The following ZBTB45 variants were observed in gnomAD, a reference collection of about 807,000 sequenced individuals.
The protein encoded by ZBTB45 is zinc finger and BTB domain containing 45.
ZBTB45 carries 22 observed loss-of-function variants against 28.4 expected under a neutral mutation model. The observed-to-expected ratio is 0.77, with a 90% confidence interval of 0.55 to 1.10. The LOEUF (loss-of-function observed/expected upper bound fraction) is 1.10. Among genes scored for constraint, ZBTB45 ranks in the 50% least tolerant of loss-of-function variants. The pLI, the probability that ZBTB45 is intolerant of heterozygous loss-of-function variation, is 0.00. For synonymous variants in ZBTB45, 361 were observed against 332.3 expected (o/e 1.09, Z -0.94); for missense variants, 656 against 750.2 (o/e 0.87, Z 1.47).
At chr19:58,531,507 C>T (rs1447185209) in intron 1 of ZBTB45, among the ~76,000 whole-genome samples, 2 of 152,150 alleles carry the variant, frequency 1.3e-5, no homozygotes, top group Admixed American at 1.3e-4. Context: ...GCAGGGATTT[C>T]ATTATGGGTT....
chr19:58,528,179 A>C (rs2053617404), intron 1 of ZBTB45, among the ~76,000 whole-genome samples: 1 of 152,090 alleles, frequency 6.6e-6, no homozygotes, highest in African/African-American at 2.4e-5. Flanking sequence ...ACCCCTGAAG[A>C]TGGAGGGAGA....
At chr19:58,536,879 T>C (rs2053663136) in intron 1 of ZBTB45, among the ~76,000 whole-genome samples, 1 of 152,152 alleles carries the variant, frequency 6.6e-6, no homozygotes, top group Admixed American at 6.5e-5. Flanking sequence ...ACACCTGTCT[T>C]ATGCCCTGTC....
Position 58,516,854 on chromosome 19 carries a change from G to C in ZBTB45, c.820C>G (p.Arg274Gly), listed in dbSNP as rs1242029057. 6.2e-7 allele frequency: 1 copy of C among 1,613,540 alleles called. No individual in the cohort carries two copies. The highest frequency in any genetic ancestry group is 8.5e-7 in the Non-Finnish European group (1 of 1,180,020). ...DYSGAGRDFL[R>G]GAGSAEDVFP... ...ACGTCCTCAGCTGACCCAGCTCCCC[G>C]AAGAAAATCTCTCCCGGCACCACTG... Residue 274 changes from arginine (R) to glycine (G), a missense_variant, in exon 2 of 3, where the codon CGG becomes GGG. Physicochemically the swap from Arg to Gly is moderately radical, Grantham distance 125. Around this residue, in one of 3 missense-constraint regions of ZBTB45, gnomAD observed 448 missense variants for 444.3 expected, o/e 1.01. Transcript: ENST00000594051. The surrounding 1 kb of genome is among the most constrained non-coding windows in gnomAD (Gnocchi z 6.2).
intron 1 of ZBTB45, among the ~76,000 whole-genome samples, chr19:58,530,041 A>G (rs1300699758): frequency 2.6e-5 from 4 of 152,082 alleles, no homozygotes; most frequent in Non-Finnish European, 4.4e-5. Context: ...TGTCTCTACA[A>G]AAAATACAAA....
intron 1 of ZBTB45, among the ~76,000 whole-genome samples, chr19:58,525,961 C>T (rs2053604721): frequency 6.6e-6 from 1 of 152,166 alleles, no homozygotes; most frequent in African/African-American, 2.4e-5. Context: ...GGCGCGGTGG[C>T]TCACGCCTGT....
rs2053527718 is a variant in ZBTB45, at chr19:58,517,555, C to T, written c.119G>A (p.Arg40His). The stretch of plus-strand genomic sequence containing the variant: ...GCGGTGGGCACGCAGCGAAGCTTCA[C>T]GAATGCGCACAGTCACGTCACAGAA... The part of the protein sequence containing the change: ...GHFCDVTVRI[R>H]EASLRAHRCV... Residue 40 changes from arginine to histidine, a missense_variant, in exon 2 of 3, where the codon CGT becomes CAT. Arg to His is a conservative substitution (Grantham distance 29, BLOSUM62 0). This residue lies in a region of ZBTB45 where 105 missense variants were observed against 152.4 expected (regional missense o/e 0.69). Transcript: ENST00000594051. 2 of 1,613,734 alleles carry T rather than the reference C, an allele frequency of 1.2e-6. No homozygotes were observed. The highest frequency in any genetic ancestry group is 1.7e-6 in the Non-Finnish European group (2 of 1,179,974).
chr19:58,529,794 T>G (rs2053626612), intron 1 of ZBTB45, among the ~76,000 whole-genome samples: 1 of 152,148 alleles, frequency 6.6e-6, no homozygotes, highest in Non-Finnish European at 1.5e-5. Context: ...TTTACATAAA[T>G]GGAACCATAC....
intron 1 of ZBTB45, among the ~76,000 whole-genome samples, chr19:58,535,015 C>A (rs1021746867): frequency 6.6e-6 from 1 of 152,008 alleles, no homozygotes; most frequent in African/African-American, 2.4e-5. Flanking sequence ...GCTACCACAC[C>A]CAGCTAATTT....
intron 1 of ZBTB45, among the ~76,000 whole-genome samples, chr19:58,524,815 G>A (rs2053599068): frequency 6.6e-6 from 1 of 151,754 alleles, no homozygotes; most frequent in Non-Finnish European, 1.5e-5. Flanking sequence ...CCTGGGAGGT[G>A]GAGCTTGCAG....
rs2053527671 is a variant in ZBTB45 at position 58,517,551 on chromosome 19, T to G, written c.123A>C (p.Glu41Asp). The G allele has an allele frequency of 1.9e-6, 3 of 1,613,524 alleles. No individual in the cohort carries two copies. In the African/African-American group the frequency reaches 4.0e-5, roughly 22 times the overall value. ...CGCAGCGGTGGGCACGCAGCGAAGC[T>G]TCACGAATGCGCACAGTCACGTCAC... is the stretch of plus-strand genomic sequence containing the variant. ...HFCDVTVRIR[E>D]ASLRAHRCVL... is the part of the protein sequence containing the mutation. Residue 41 changes from glutamate to aspartate, a missense_variant, in exon 2 of 3, where the codon GAA becomes GAC. Glu to Asp is a conservative substitution (Grantham distance 45). Transcript: ENST00000594051.
chr19:58,536,590 C>T (rs2053661626), intron 1 of ZBTB45, among the ~76,000 whole-genome samples: 1 of 152,048 alleles, frequency 6.6e-6, no homozygotes. Context: ...TTGTAGTGAG[C>T]CAAGATTGCG....
upstream of ZBTB45, chr19:58,519,886 T>C (rs955641688): frequency 6.6e-6 from 1 of 152,202 alleles, no homozygotes; most frequent in African/African-American, 2.4e-5. Context: ...GAAGCACGTT[T>C]CCGGTATTTT....
At chr19:58,530,019 G>A (rs1031807278) in intron 1 of ZBTB45, among the ~76,000 whole-genome samples, 2 of 152,020 alleles carry the variant, frequency 1.3e-5, no homozygotes, top group Non-Finnish European at 2.9e-5. Flanking sequence ...CCTGGGCAAC[G>A]TTACAAAACC....
At chr19:58,528,777 C>T (rs548571818) in intron 1 of ZBTB45, among the ~76,000 whole-genome samples, 4 of 152,068 alleles carry the variant, frequency 2.6e-5, no homozygotes, top group South Asian at 2.1e-4. Context: ...GCCTGTAGTG[C>T]CAGCTACTCA....
intron 1 of ZBTB45, among the ~76,000 whole-genome samples, chr19:58,524,955 AAG>A (rs1387571022): frequency 6.6e-6 from 1 of 152,064 alleles, no homozygotes; most frequent in Non-Finnish European, 1.5e-5. Flanking sequence ...CCATTGAGGG[AAG>A]AGTCTGTGAG....
intron 1 of ZBTB45, among the ~76,000 whole-genome samples, chr19:58,528,637 G>A (rs2053620040): frequency 6.6e-6 from 1 of 151,270 alleles, no homozygotes; most frequent in African/African-American, 2.4e-5. Flanking sequence ...GCTCACGCCT[G>A]TAATCCCAGC....
chr19:58,518,700 T>C (rs1433247211), intron 1 of ZBTB45, among the ~76,000 whole-genome samples: 1 of 152,124 alleles, frequency 6.6e-6, no homozygotes, highest in Non-Finnish European at 1.5e-5. Context: ...TCCTTCGGCC[T>C]GTTTCCCCTT....
upstream of ZBTB45, among the ~76,000 whole-genome samples, chr19:58,523,435 C>A (rs1438621227): frequency 6.6e-6 from 1 of 151,642 alleles, no homozygotes; most frequent in Non-Finnish European, 1.5e-5. Context: ...AATCCCAGCA[C>A]TTTGAGAGGC....
intron 1 of ZBTB45, among the ~76,000 whole-genome samples, chr19:58,532,235 C>T (rs764537963): frequency 2.3e-4 from 35 of 152,184 alleles, no homozygotes; most frequent in Non-Finnish European, 4.1e-4. Context: ...ATGATATATA[C>T]ATCCTAACTC....
Sources: allele counts gnomAD v4.1 joint callset (sites outside exome capture counted in the v4.1 genomes callset), GRCh38; gene constraint gnomAD v4.1.1; regional missense constraint gnomAD v4.1.1; non-coding constraint Gnocchi (gnomAD v3.1); transcripts MANE v1.5; gene names NCBI Gene and HGNC (gene_info 2026-07-23, HGNC 2026-07-21).